Variants in TMEM131L observed in about 807,000 individuals in gnomAD.
The protein encoded by TMEM131L is transmembrane 131 like, also known as transmembrane protein 131-like.
Under a neutral mutation model 192.2 loss-of-function variants are expected in TMEM131L, and 54 were observed. That is an observed-to-expected ratio of 0.28 (90% CI 0.23 to 0.35). The LOEUF is 0.35. Ranked by LOEUF, TMEM131L falls within the 10% of genes least tolerant of loss-of-function variation. The pLI, the probability that TMEM131L is intolerant of heterozygous loss-of-function variation, is 1.00. For missense variants in TMEM131L, 1,888 were observed against 1,972.9 expected (o/e 0.96, Z 0.82); for synonymous variants, 701 against 704.9 (o/e 0.99, Z 0.09).
intron 3 of TMEM131L, among the ~76,000 whole-genome samples, chr4:153,541,066 A>G (rs754898875): frequency 6.6e-6 from 1 of 152,228 alleles, no homozygotes; most frequent in Non-Finnish European, 1.5e-5. Context: ...ATTTTAACAT[A>G]TAGTAGAGTG....
At chr4:153,527,949 G>A (rs1469657365) in intron 3 of TMEM131L, among the ~76,000 whole-genome samples, 1 of 152,066 alleles carries the variant, frequency 6.6e-6, no homozygotes, top group Non-Finnish European at 1.5e-5. Flanking sequence ...GTACAACTTC[G>A]AGAAGCTTCT....
At chr4:153,527,509 T>C (rs897756965) in intron 3 of TMEM131L, among the ~76,000 whole-genome samples, 11 of 152,080 alleles carry the variant, frequency 7.2e-5, no homozygotes, top group Admixed American at 7.2e-4. Flanking sequence ...ACTCCTGGGC[T>C]CAAGTGATCC....
intron 3 of TMEM131L, among the ~76,000 whole-genome samples, chr4:153,521,816 C>T (rs925371505): frequency 2.0e-5 from 3 of 149,646 alleles, no homozygotes; most frequent in Non-Finnish European, 4.4e-5. Context: ...TTTCATTTAG[C>T]GTAATGTCTT....
intron 3 of TMEM131L, among the ~76,000 whole-genome samples, chr4:153,517,861 C>T (rs1167355904): frequency 2.0e-5 from 3 of 152,176 alleles, no homozygotes; most frequent in Non-Finnish European, 2.9e-5. Flanking sequence ...CCCAAATAGC[C>T]TCTCTCCTAA....
chr4:153,494,558 A>AG (rs2149921384), intron 3 of TMEM131L, among the ~76,000 whole-genome samples: 1 of 152,326 alleles, frequency 6.6e-6, no homozygotes, highest in South Asian at 2.1e-4. Context: ...ACTCACAATA[A>AG]GGGGAAACAG....
intron 3 of TMEM131L, among the ~76,000 whole-genome samples, chr4:153,519,960 A>C (rs1303777282): frequency 6.6e-6 from 1 of 152,230 alleles, no homozygotes; most frequent in African/African-American, 2.4e-5. Context: ...TACATCCTAA[A>C]TGCCAAGTGA....
chr4:153,596,424 A>T (rs149955084), intron 20 of TMEM131L, 39 bp downstream of exon 20: 2 of 1,607,268 alleles, frequency 1.2e-6, no homozygotes, highest in African/African-American at 2.7e-5. Flanking sequence ...TTCTTTCTCA[A>T]TGACTCATCT....
intron 2 of TMEM131L, among the ~76,000 whole-genome samples, chr4:153,471,062 A>T (rs1731127118): frequency 6.6e-6 from 1 of 150,636 alleles, no homozygotes; most frequent in Non-Finnish European, 1.5e-5. Flanking sequence ...ATTTCGGCTC[A>T]CTGCAACCTC....
intron 6 of TMEM131L, among the ~76,000 whole-genome samples, 167 bp from the exon 7 acceptor site, chr4:153,558,091 C>T (rs1165949950): frequency 2.0e-5 from 3 of 152,200 alleles, no homozygotes; most frequent in African/African-American, 7.2e-5. Flanking sequence ...ATTTCTGAAA[C>T]ATTCATTGTG....
At chr4:153,581,114 C>A (rs1308982214) in intron 8 of TMEM131L, among the ~76,000 whole-genome samples, 1 of 152,162 alleles carries the variant, frequency 6.6e-6, no homozygotes, top group African/African-American at 2.4e-5. Context: ...ATTAGCCAGG[C>A]GTGCTGGCGG....
Position 153,555,767 on chromosome 4 carries a change from C to A in TMEM131L, c.309-20C>A, listed in dbSNP as rs185876040. 4.5e-5 allele frequency: 69 copies of A among 1,544,266 alleles called. No homozygotes were observed. The African/African-American group carries it at 5.3e-4, about 12-fold the overall frequency. On this transcript the variant is annotated intron_variant, in intron 4 of 34. Transcript: ENST00000409959. This position sits in a 1 kb window ranked among gnomAD's most constrained non-coding sequence, Gnocchi z 4.1. ...ATAACCACACAATACATTGATTTTTCTCTTTGTTTCTCCTCCTAGGTTCCT... is the reference window on the plus strand; with the variant it reads ...ATAACCACACAATACATTGATTTTTATCTTTGTTTCTCCTCCTAGGTTCCT...
At chr4:153,536,773 C>T (rs1398649212) in intron 3 of TMEM131L, among the ~76,000 whole-genome samples, 1 of 138,672 alleles carries the variant, frequency 7.2e-6, no homozygotes, top group African/African-American at 2.6e-5. Context: ...GAGTTTATTA[C>T]AAAGTATTAA....
intron 4 of TMEM131L, 69 bp downstream of exon 4, chr4:153,550,210 A>G (rs1195013050): frequency 3.3e-6 from 2 of 610,936 alleles, no homozygotes; most frequent in African/African-American, 1.9e-5. Context: ...TTTTTTTTAC[A>G]TATATGTACA....
At chr4:153,598,206 G>A (rs1196506009) in intron 20 of TMEM131L, among the ~76,000 whole-genome samples, 1 of 151,338 alleles carries the variant, frequency 6.6e-6, no homozygotes, top group Admixed American at 6.6e-5. Flanking sequence ...GTCTAAATTT[G>A]TTAGTGTTTG....
intron 3 of TMEM131L, among the ~76,000 whole-genome samples, chr4:153,505,085 A>G (rs941219902): frequency 3.3e-5 from 5 of 150,328 alleles, no homozygotes; most frequent in African/African-American, 1.2e-4. Context: ...CTCTTGGTCC[A>G]ACTTTCCATT....
At chr4:153,509,852 G>A (rs1389772274) in intron 3 of TMEM131L, among the ~76,000 whole-genome samples, 1 of 152,192 alleles carries the variant, frequency 6.6e-6, no homozygotes, top group Non-Finnish European at 1.5e-5. Flanking sequence ...AAAGTAACTG[G>A]ATCAGGATAT....
intron 3 of TMEM131L, among the ~76,000 whole-genome samples, chr4:153,477,409 T>C (rs1731619397): frequency 6.6e-6 from 1 of 152,202 alleles, no homozygotes; most frequent in African/African-American, 2.4e-5. Flanking sequence ...GTATTTGTTT[T>C]CTTTTGTAGA....
chr4:153,467,072 C>T (rs1409077014), intron 1 of TMEM131L, 139 bp from the exon 2 acceptor site: 2 of 828,076 alleles, frequency 2.4e-6, no homozygotes, highest in Non-Finnish European at 2.0e-6. Context: ...TTGGCTCGCC[C>T]CTGGGATGGC....
At chr4:153,475,190 G>A (rs1731441028) in intron 3 of TMEM131L, among the ~76,000 whole-genome samples, 1 of 152,222 alleles carries the variant, frequency 6.6e-6, no homozygotes. Flanking sequence ...GATCCACTCT[G>A]ATTGGATGAC....
Sources: allele counts gnomAD v4.1 joint callset (sites outside exome capture counted in the v4.1 genomes callset), GRCh38; gene constraint gnomAD v4.1.1; non-coding constraint Gnocchi (gnomAD v3.1); transcripts MANE v1.5; gene names NCBI Gene and HGNC (gene_info 2026-07-23, HGNC 2026-07-21).